Variants in TAFA2 observed in about 807,000 individuals in gnomAD.
TAFA2 encodes chemokine-like protein TAFA-2.
Under a neutral mutation model 18.8 loss-of-function variants are expected in TAFA2, and 7 were observed. The observed-to-expected ratio is 0.37, with a 90% CI of 0.21 to 0.70. TAFA2 has a LOEUF of 0.70. TAFA2 is among the 30% of genes least tolerant of loss of function. TAFA2 has a pLI of 0.53. For synonymous variants in TAFA2, 60 were observed against 54.2 expected, an observed-to-expected ratio of 1.11 and a Z score of -0.47; for missense variants, 122 against 158.1, an observed-to-expected ratio of 0.77 and a Z score of 1.23.
At chr12:61,840,554 G>A (rs1171551683) in intron 2 of TAFA2, among the ~76,000 whole-genome samples, 1 of 152,074 alleles carries the variant, frequency 6.6e-6, no homozygotes, top group East Asian at 1.9e-4. Context: ...TAGACAATAT[G>A]CCACACAGAT....
At chr12:61,857,200 T>C (rs1440200185) in intron 2 of TAFA2, among the ~76,000 whole-genome samples, 2 of 152,036 alleles carry the variant, frequency 1.3e-5, no homozygotes, top group African/African-American at 4.8e-5. Context: ...TATAAGAGTC[T>C]CAAATTAATA....
At chr12:62,055,053 G>A (rs1882152825) in intron 1 of TAFA2, among the ~76,000 whole-genome samples, 1 of 152,086 alleles carries the variant, frequency 6.6e-6, no homozygotes, top group Non-Finnish European at 1.5e-5. Context: ...AGGCCTTTGA[G>A]GCTGATTAAG....
chr12:62,023,085 G>T (rs150194369), intron 1 of TAFA2, among the ~76,000 whole-genome samples: 50 of 152,348 alleles, frequency 3.3e-4, no homozygotes, highest in Middle Eastern at 3.4e-3. Flanking sequence ...GAGAATCAAT[G>T]AGCATTAGTG....
chr12:62,138,380 T>A (rs1244385041), intron 1 of TAFA2, among the ~76,000 whole-genome samples: 1 of 152,202 alleles, frequency 6.6e-6, no homozygotes, highest in Non-Finnish European at 1.5e-5. Context: ...TGTATTATCA[T>A]TTGATATACC....
At chr12:62,004,947 G>T (rs1880497770) in intron 1 of TAFA2, among the ~76,000 whole-genome samples, 1 of 152,014 alleles carries the variant, frequency 6.6e-6, no homozygotes, top group African/African-American at 2.4e-5. Flanking sequence ...AATAATGTAT[G>T]ATCTCACTTA....
At chr12:61,992,084 C>T (rs777277568) in intron 1 of TAFA2, among the ~76,000 whole-genome samples, 4 of 152,194 alleles carry the variant, frequency 2.6e-5, no homozygotes, top group Non-Finnish European at 5.9e-5. Context: ...TAGCTCATCT[C>T]CTCTATTATG....
intron 1 of TAFA2, among the ~76,000 whole-genome samples, chr12:62,245,970 A>G (rs1196525058): frequency 6.7e-6 from 1 of 150,002 alleles, no homozygotes; most frequent in Admixed American, 6.6e-5. Flanking sequence ...TTTAGCACCA[A>G]ATTACTTTTA....
chr12:61,782,539 T>G (rs1476543108), intron 2 of TAFA2, among the ~76,000 whole-genome samples: 2 of 151,714 alleles, frequency 1.3e-5, no homozygotes, highest in Non-Finnish European at 2.9e-5. Flanking sequence ...TTTTTACACA[T>G]GTTATACAAA....
chr12:61,920,992 G>C (rs1296267824), intron 1 of TAFA2, among the ~76,000 whole-genome samples: 1 of 152,128 alleles, frequency 6.6e-6, no homozygotes, highest in Non-Finnish European at 1.5e-5. Flanking sequence ...ACGCCAAGAG[G>C]TTAGAGTGCG....
At position 62,199,594 on chromosome 12, in the gene TAFA2, G is replaced by GTATA. The variant is rs527699166; in HGVS notation, c.-130+59165_-130+59168dup. 9.8e-3 allele frequency among the ~76,000 whole-genome samples: 1,471 copies of GTATA among 150,282 alleles called. 21 individuals are homozygous for GTATA. Among genetic ancestry groups the GTATA allele is most frequent in the African/African-American group, 0.029 (1,171 of 41,050 alleles). The stretch of plus-strand genomic sequence containing the variant: ...ATGGTGTGTGTGTGTGTATGTGTGT[G>GTATA]TATATATATATATATGTATGTGTAT... On this transcript the variant is annotated intron_variant, in intron 1 of 5. Transcript: ENST00000551619.
chr12:61,892,608 T>C (rs1875684284), intron 1 of TAFA2, among the ~76,000 whole-genome samples: 1 of 152,170 alleles, frequency 6.6e-6, no homozygotes, highest in African/African-American at 2.4e-5. Flanking sequence ...AGGCTGAGGC[T>C]GGCAGATCAC....
chr12:61,993,450 G>A (rs1175512448), intron 1 of TAFA2, among the ~76,000 whole-genome samples: 1 of 152,118 alleles, frequency 6.6e-6, no homozygotes, highest in Non-Finnish European at 1.5e-5. Flanking sequence ...TCATTAAAAT[G>A]TCTGTCTCAT....
intron 4 of TAFA2, among the ~76,000 whole-genome samples, chr12:61,737,193 A>G (rs1868318304): frequency 6.6e-6 from 1 of 151,942 alleles, no homozygotes; most frequent in African/African-American, 2.4e-5. Context: ...TTGGGATTTT[A>G]TATTACCTAG....
intron 4 of TAFA2, among the ~76,000 whole-genome samples, chr12:61,745,016 G>C (rs778337961): frequency 4.0e-5 from 6 of 151,850 alleles, no homozygotes; most frequent in Non-Finnish European, 8.8e-5. Flanking sequence ...TCCCTTAAGT[G>C]TTATGTTTCA....
At chr12:62,032,751 T>C (rs1373123526) in intron 1 of TAFA2, among the ~76,000 whole-genome samples, 1 of 152,136 alleles carries the variant, frequency 6.6e-6, no homozygotes, top group East Asian at 1.9e-4. Flanking sequence ...TTTATGGGCA[T>C]CGAGAGTGTT....
At chr12:61,902,860 C>T (rs1439723083) in intron 1 of TAFA2, among the ~76,000 whole-genome samples, 1 of 151,800 alleles carries the variant, frequency 6.6e-6, no homozygotes, top group Non-Finnish European at 1.5e-5. Flanking sequence ...TCTACGATCC[C>T]TCTCCCATTC....
intron 1 of TAFA2, among the ~76,000 whole-genome samples, chr12:61,892,425 C>T (rs974669342): frequency 6.6e-6 from 1 of 152,202 alleles, no homozygotes; most frequent in East Asian, 1.9e-4. Context: ...AATGAGCTCA[C>T]TCAGGGCAGG....
intron 1 of TAFA2, among the ~76,000 whole-genome samples, chr12:62,058,680 A>G (rs939993039): frequency 1.4e-4 from 22 of 152,150 alleles, no homozygotes; most frequent in African/African-American, 4.8e-4. Flanking sequence ...TAATTGTTCA[A>G]CTGGGCATGG....
At position 62,198,982 on chromosome 12, in the gene TAFA2, C is replaced by T. The variant is rs553593283; in HGVS notation, c.-130+59781G>A. 5.9e-5 allele frequency among the ~76,000 whole-genome samples: 9 copies of T among 151,874 alleles called. No individual in the cohort carries two copies. In the South Asian group the frequency reaches 1.5e-3, roughly 25 times the overall value. ...CATGTAGTAGGCAAATATAACAAACCACCCCAAAACTTAGTTACTTAAAGA... is the reference window on the plus strand; with the variant it reads ...CATGTAGTAGGCAAATATAACAAACTACCCCAAAACTTAGTTACTTAAAGA... On this transcript the variant is annotated intron_variant, in intron 1 of 5. Transcript: ENST00000551619.
Sources: allele counts gnomAD v4.1 joint callset (sites outside exome capture counted in the v4.1 genomes callset), GRCh38; gene constraint gnomAD v4.1.1; transcripts MANE v1.5; gene names NCBI Gene and HGNC (gene_info 2026-07-23, HGNC 2026-07-21).